AP2A2: variants seen among roughly 807,000 people sequenced by gnomAD.
AP2A2 encodes adaptor related protein complex 2 subunit alpha 2.
In AP2A2, 32 loss-of-function variants were observed where a neutral mutation model predicts 104.2. That is an observed-to-expected ratio of 0.31 (90% CI 0.23 to 0.41). The LOEUF (loss-of-function observed/expected upper bound fraction) is 0.41. Among genes scored for constraint, AP2A2 ranks in the 10% least tolerant of loss-of-function variants. AP2A2 has a pLI of 1.00. For synonymous variants in AP2A2, 539 were observed against 533.3 expected, an observed-to-expected ratio of 1.01 and a Z score of -0.15; for missense variants, 912 against 1,261.0, an observed-to-expected ratio of 0.72 and a Z score of 4.19.
intron 9 of AP2A2, among the ~76,000 whole-genome samples, chr11:987,355 A>G (rs1855496525): frequency 1.3e-5 from 2 of 152,164 alleles, no homozygotes; most frequent in African/African-American, 2.4e-5. Flanking sequence ...GGGGATTAAA[A>G]TTTCAGAGTT....
chr11:989,779 G>T (rs894607829), intron 10 of AP2A2, among the ~76,000 whole-genome samples: 1 of 152,244 alleles, frequency 6.6e-6, no homozygotes, highest in Non-Finnish European at 1.5e-5. Context: ...CAGGCTCACC[G>T]TGTCTGTGGA....
chr11:927,250 TG>T (rs34339546), intron 1 of AP2A2, among the ~76,000 whole-genome samples: 89,235 of 151,512 alleles, frequency 0.59, 26,914 homozygotes, highest in Middle Eastern at 0.74. Flanking sequence ...TTTGTAGAGA[TG>T]GGGGGGTCTC....
intron 1 of AP2A2, chr11:932,710 G>A (rs115450078): frequency 1.1e-5 from 5 of 456,170 alleles, no homozygotes; most frequent in African/African-American, 2.0e-5. Flanking sequence ...TCTTGCCAAG[G>A]TTGGTGGTCA....
intron 16 of AP2A2, among the ~76,000 whole-genome samples, chr11:1,004,563 C>T (rs911439621): frequency 6.6e-6 from 1 of 151,952 alleles, no homozygotes; most frequent in Admixed American, 6.5e-5. Context: ...GTCACTTGAG[C>T]CCAGGTGTTT....
chr11:988,485 G>A lies in AP2A2; in HGVS notation c.1132-67G>A, dbSNP rs1408524859. 8 of 1,575,398 alleles carry A rather than the reference G, an allele frequency of 5.1e-6. No homozygotes were observed. In the Admixed American group the frequency reaches 1.2e-4, roughly 23 times the overall value. The stretch of plus-strand genomic sequence containing the variant: ...GTGTTGAGATGCGGGTGCCGAGCCT[G>A]TCCCCAGCCTGTCCCCAAGCTTGTG... On this transcript the variant is annotated intron_variant, in intron 9 of 21. Transcript: ENST00000448903.
chr11:1,006,806 A>G (rs1226019169), intron 17 of AP2A2, 189 bp downstream of exon 17: 1 of 576,384 alleles, frequency 1.7e-6, no homozygotes, highest in Admixed American at 3.4e-5. Flanking sequence ...GCAGTCTTCC[A>G]TATTGGAGAG....
chr11:926,557 C>G (rs531528191), intron 1 of AP2A2, among the ~76,000 whole-genome samples: 2 of 152,186 alleles, frequency 1.3e-5, no homozygotes, highest in African/African-American at 4.8e-5. Flanking sequence ...CTTTCTAGTA[C>G]TGGAGCGTTT....
intron 1 of AP2A2, among the ~76,000 whole-genome samples, chr11:950,318 T>TC (rs1474238799): frequency 1.3e-3 from 193 of 151,530 alleles, no homozygotes; most frequent in Non-Finnish European, 2.2e-3. Flanking sequence ...ATGGTTTTTT[T>TC]TTTTTTTTTT....
intron 1 of AP2A2, among the ~76,000 whole-genome samples, chr11:953,822 C>T (rs909820778): frequency 2.0e-5 from 3 of 151,418 alleles, no homozygotes; most frequent in African/African-American, 7.3e-5. Context: ...CACTACTCTT[C>T]TCTCTACCTT....
Position 1,006,327 on chromosome 11 carries a change from GATAC to G in AP2A2, c.2207-200_2207-197del, listed in dbSNP as rs556508018. On this transcript the variant is annotated intron_variant, in intron 16 of 21. Transcript: ENST00000448903. ...GCGGAAGTTACCTCTGACTGGAGGA[GATAC>G]CCGGCCCGTGTTACCAGCACTGGTG... Among the ~76,000 whole-genome samples the G allele has an allele frequency of 3.4e-3, 513 of 152,356 alleles. 4 individuals are homozygous for G. The highest frequency in any genetic ancestry group is 0.012 in the African/African-American group (494 of 41,580).
In AP2A2 at chr11:970,372, C is replaced by T. The variant is rs151250389; in HGVS notation, c.279+61C>T. 523 of 1,585,572 alleles carry T rather than the reference C, an allele frequency of 3.3e-4. No individual in the cohort carries two copies. In the African/African-American group the frequency reaches 6.4e-3, roughly 19 times the overall value. On this transcript the variant is annotated intron_variant, in intron 3 of 21. Transcript: ENST00000448903. Reference sequence around the variant, plus strand: ...GCGTGGGCCTGGCAGGACTGAGGCCCGGTGCCCGTGTAGGGCCGCTGCTTC... The same window carrying T: ...GCGTGGGCCTGGCAGGACTGAGGCCTGGTGCCCGTGTAGGGCCGCTGCTTC...
At chr11:1,000,272 C>T (rs913076430) in intron 14 of AP2A2, among the ~76,000 whole-genome samples, 160 bp from the exon 15 acceptor site, 1 of 152,230 alleles carries the variant, frequency 6.6e-6, no homozygotes, top group African/African-American at 2.4e-5. Context: ...TTAGCCCTCA[C>T]TCTCTGGTCA....
chr11:1,010,016 A>C (rs1256660847), intron 21 of AP2A2, 199 bp downstream of exon 21: 3 of 602,498 alleles, frequency 5.0e-6, no homozygotes, highest in Non-Finnish European at 8.5e-6. Context: ...AGTGCAGTTC[A>C]GTCAGTTGTG....
chr11:1,011,873 C>A lies in AP2A2; in HGVS notation c.*1248C>A. On this transcript the variant is annotated 3_prime_UTR_variant, in exon 22 of 22. Coordinates refer to ENST00000448903, the MANE Select transcript of AP2A2 (RefSeq NM_012305.4). ...ACAGCTCCCCTGCAGTGTGTGCACC[C>A]CACAATGTCTGCGGCTCTTCTTCCG... 1 of 211,004 alleles carries A rather than the reference C, an allele frequency of 4.7e-6. No homozygotes were observed. The highest frequency in any genetic ancestry group is 9.6e-6 in the Non-Finnish European group (1 of 103,800). 13.1% of individuals were successfully genotyped at this position (211,004 alleles called of 1,614,324 possible). A position where few individuals can be genotyped will look rare whatever the true frequency, so the allele number is the denominator to read the frequency against.
At chr11:1,001,704 C>T (rs1320507137) in intron 15 of AP2A2, among the ~76,000 whole-genome samples, 1 of 151,840 alleles carries the variant, frequency 6.6e-6, no homozygotes, top group African/African-American at 2.4e-5. Flanking sequence ...GGTGGCTGCT[C>T]CTCAGTGTCT....
chr11:951,227 A>C (rs1589958340), intron 1 of AP2A2, among the ~76,000 whole-genome samples: 3 of 152,134 alleles, frequency 2.0e-5, no homozygotes, highest in South Asian at 4.1e-4. Flanking sequence ...ACACTTACCC[A>C]GATGGCTGTA....
chr11:1,003,899 T>C (rs556831367), intron 16 of AP2A2, 95 bp downstream of exon 16: 3 of 797,504 alleles, frequency 3.8e-6, no homozygotes, highest in East Asian at 3.0e-5. Context: ...GGGATAGATA[T>C]CCAGAATATA....
chr11:998,750 T>G (rs1467648571), intron 14 of AP2A2, among the ~76,000 whole-genome samples: 1 of 152,050 alleles, frequency 6.6e-6, no homozygotes, highest in Non-Finnish European at 1.5e-5. Context: ...CAGGCTGTAG[T>G]TCAGTGGTAC....
At chr11:983,748 A>T (rs959797250) in intron 6 of AP2A2, among the ~76,000 whole-genome samples, 2 of 152,232 alleles carry the variant, frequency 1.3e-5, no homozygotes, top group Admixed American at 6.5e-5. Context: ...TTTCAAATAT[A>T]TACAGTTAAG....
Sources: allele counts gnomAD v4.1 joint callset (sites outside exome capture counted in the v4.1 genomes callset), GRCh38; gene constraint gnomAD v4.1.1; transcripts MANE v1.5; gene names NCBI Gene and HGNC (gene_info 2026-07-23, HGNC 2026-07-21).